Variants in ARHGAP39 observed in about 807,000 individuals in gnomAD.
ARHGAP39 encodes Rho GTPase activating protein 39.
Under a neutral mutation model 106.9 loss-of-function variants are expected in ARHGAP39, and 44 were observed. The observed-to-expected ratio is 0.41, with a 90% CI of 0.32 to 0.53. The LOEUF (loss-of-function observed/expected upper bound fraction) is 0.53. ARHGAP39 is among the 20% of genes least tolerant of loss of function. ARHGAP39 has a pLI of 0.21. For missense variants in ARHGAP39, 1,496 were observed against 1,577.3 expected (o/e 0.95, Z 0.87); for synonymous variants, 768 against 693.2 (o/e 1.11, Z -1.69).
intron 1 of ARHGAP39, among the ~76,000 whole-genome samples, chr8:144,638,527 CCT>C (rs1821233258): frequency 1.3e-5 from 2 of 152,172 alleles, no homozygotes; most frequent in African/African-American, 4.8e-5. Flanking sequence ...TCTCAATCAA[CCT>C]CTCTGTCACT....
intron 10 of ARHGAP39, 62 bp from the exon 11 acceptor site, chr8:144,530,933 T>C (rs920003683): frequency 3.9e-5 from 61 of 1,550,650 alleles, no homozygotes; most frequent in Non-Finnish European, 5.0e-5. Context: ...CCAAATGGGG[T>C]CCCGTGGCGG....
intron 1 of ARHGAP39, among the ~76,000 whole-genome samples, chr8:144,611,347 G>A (rs778520642): frequency 1.3e-5 from 2 of 152,168 alleles, no homozygotes; most frequent in Admixed American, 6.5e-5. Context: ...ACGTGCTGCC[G>A]GGTGAAGTGC....
chr8:144,535,487 G>A (rs1437999033), intron 7 of ARHGAP39, among the ~76,000 whole-genome samples: 1 of 152,226 alleles, frequency 6.6e-6, no homozygotes, highest in Non-Finnish European at 1.5e-5. Flanking sequence ...AGAATGGATG[G>A]TGCCCACGCA....
intron 1 of ARHGAP39, among the ~76,000 whole-genome samples, chr8:144,628,135 G>A (rs1820971476): frequency 6.6e-6 from 1 of 152,218 alleles, no homozygotes; most frequent in African/African-American, 2.4e-5. Context: ...GGTGGCTGAT[G>A]TTGGCCCCAC....
rs200560505 is a variant in ARHGAP39 at position 144,547,203 on chromosome 8, G to C, written c.1883C>G (p.Pro628Arg). ...RRGTFEKLGFPQILLEKSVSV... is the reference protein window; with the variant it reads ...RRGTFEKLGFRQILLEKSVSV... ...GACGCTCTTCTCCAGCAGGATCTGG[G>C]GGAAGCCTAGCTTCTCGAAGGTGCC... Residue 628 changes from proline to arginine, a missense_variant, in exon 5 of 12, where the codon CCC becomes CGC. This residue lies in a region of ARHGAP39 where 905 missense variants were observed against 816.4 expected (regional missense o/e 1.11). Coordinates refer to ENST00000377307, the MANE Select transcript of ARHGAP39 (RefSeq NM_025251.3). This position sits in a 1 kb window ranked among gnomAD's most constrained non-coding sequence, Gnocchi z 5.2. 1.5e-5 allele frequency: 24 copies of C among 1,612,404 alleles called. No homozygotes were observed. In the East Asian group the frequency reaches 3.8e-4, roughly 25 times the overall value.
At chr8:144,621,442 G>A (rs1484689391) in intron 1 of ARHGAP39, among the ~76,000 whole-genome samples, 1 of 152,232 alleles carries the variant, frequency 6.6e-6, no homozygotes, top group Non-Finnish European at 1.5e-5. Context: ...ACACGACAGG[G>A]TCCGGAGTCA....
At position 144,665,978 on chromosome 8, in the gene ARHGAP39, G is replaced by C. The variant is rs142685831; in HGVS notation, c.-82+19708C>G. On this transcript the variant is annotated intron_variant, in intron 1 of 11. Coordinates refer to ENST00000377307, the MANE Select transcript of ARHGAP39 (RefSeq NM_025251.3). The stretch of plus-strand genomic sequence containing the variant: ...AGCTGCAGACACTAAACGTCAGCCT[G>C]TGAAAGCAGCCAGGAGGGAGGCTAT... 3.0e-4 allele frequency among the ~76,000 whole-genome samples: 46 copies of C among 152,324 alleles called. 1 individual carries two copies. The highest frequency in any genetic ancestry group is 9.9e-4 in the African/African-American group (41 of 41,586).
At chr8:144,588,068 C>T (rs1029200638) in intron 2 of ARHGAP39, among the ~76,000 whole-genome samples, 10 of 152,218 alleles carry the variant, frequency 6.6e-5, no homozygotes, top group East Asian at 1.9e-4. Context: ...GTCCCAGCCC[C>T]ACGGAAACAG....
upstream of ARHGAP39, among the ~76,000 whole-genome samples, chr8:144,685,952 T>C (rs1201240915): frequency 6.6e-6 from 1 of 151,004 alleles, no homozygotes; most frequent in Admixed American, 6.6e-5. Context: ...CGAGGCCGCA[T>C]CACGCATGCG....
chr8:144,674,607 G>T lies in ARHGAP39; in HGVS notation c.-82+11079C>A, dbSNP rs561311984. Among the ~76,000 whole-genome samples, 13 of 152,284 alleles carry T rather than the reference G, an allele frequency of 8.5e-5. No individual in the cohort carries two copies. The East Asian group carries it at 2.1e-3, about 25-fold the overall frequency. On this transcript the variant is annotated intron_variant, in intron 1 of 11. Transcript: ENST00000377307. ...TCAGGCTGTCCCTGACTTGAACATG[G>T]GGCTTCATCAGGGACCTGCCCCTTT...
chr8:144,635,770 G>A (rs1412188347), intron 1 of ARHGAP39, among the ~76,000 whole-genome samples: 2 of 151,368 alleles, frequency 1.3e-5, no homozygotes, highest in Non-Finnish European at 2.9e-5. Context: ...TGTGAGGACT[G>A]ACTTACAGGG....
At chr8:144,546,887 G>A (rs1817447478) in intron 5 of ARHGAP39, among the ~76,000 whole-genome samples, 1 of 152,224 alleles carries the variant, frequency 6.6e-6, no homozygotes, top group African/African-American at 2.4e-5. Context: ...CCCCCAGGAT[G>A]AGGAAGGCAC....
intron 1 of ARHGAP39, among the ~76,000 whole-genome samples, chr8:144,640,167 C>T (rs533802620): frequency 1.3e-5 from 2 of 152,274 alleles, no homozygotes; most frequent in South Asian, 2.1e-4. Context: ...AACACAAACA[C>T]GTTCAAACAA....
At chr8:144,634,820 G>A (rs1821135842) in intron 1 of ARHGAP39, among the ~76,000 whole-genome samples, 5 of 143,526 alleles carry the variant, frequency 3.5e-5, no homozygotes, top group East Asian at 2.1e-4. Context: ...GCCTCTGCAG[G>A]CGCAGTCTCC....
At chr8:144,555,702 G>T in intron 3 of ARHGAP39, 59 bp from the exon 4 acceptor site, 1 of 1,447,454 alleles carries the variant, frequency 6.9e-7, no homozygotes, top group Non-Finnish European at 9.7e-7. Context: ...ACCATAACCA[G>T]CCACTCCCTG....
In ARHGAP39 at chr8:144,675,257, A is replaced by T. The variant is rs2976655; in HGVS notation, c.-82+10429T>A. Among the ~76,000 whole-genome samples the T allele has an allele frequency of 0.016, 2,462 of 152,116 alleles. 206 individuals are homozygous for T. In the East Asian group the frequency reaches 0.24, roughly 15 times the overall value. ...TCACTTAGCATTTTTTTTTTGAGAC[A>T]GAGTCTTACTCTGTCACCAGGCTAC... On this transcript the variant is annotated intron_variant, in intron 1 of 11. Transcript: ENST00000377307.
intron 6 of ARHGAP39, among the ~76,000 whole-genome samples, chr8:144,538,175 C>A (rs1181397232): frequency 6.6e-6 from 1 of 152,242 alleles, no homozygotes; most frequent in Non-Finnish European, 1.5e-5. Flanking sequence ...TGGCCTGGGC[C>A]CCCTGCCTGC....
chr8:144,628,406 C>T (rs1227009443), intron 1 of ARHGAP39, among the ~76,000 whole-genome samples: 1 of 152,116 alleles, frequency 6.6e-6, no homozygotes, highest in African/African-American at 2.4e-5. Context: ...CAGCAACCCT[C>T]GTGCCAGATG....
At chr8:144,579,201 CAAAAAA>C (rs541332282) in intron 3 of ARHGAP39, among the ~76,000 whole-genome samples, 1 of 39,906 alleles carries the variant, frequency 2.5e-5, no homozygotes, top group Non-Finnish European at 5.1e-5. Context: ...GACTCTGTCT[CAAAAAA>C]AAAAAAAAAA....
Sources: allele counts gnomAD v4.1 joint callset (sites outside exome capture counted in the v4.1 genomes callset), GRCh38; gene constraint gnomAD v4.1.1; regional missense constraint gnomAD v4.1.1; non-coding constraint Gnocchi (gnomAD v3.1); transcripts MANE v1.5; gene names NCBI Gene and HGNC (gene_info 2026-07-23, HGNC 2026-07-21).